PPFIA2: variants seen among roughly 807,000 people sequenced by gnomAD.
The protein encoded by PPFIA2 is liprin-alpha-2.
PPFIA2 carries 46 observed loss-of-function variants against 175.5 expected under a neutral mutation model. The ratio of observed to expected loss-of-function variants is 0.26; its 90% CI spans 0.21 to 0.34. PPFIA2 has a LOEUF of 0.34. Ranked by LOEUF, PPFIA2 falls within the 10% of genes least tolerant of loss-of-function variation. The pLI is 1.00. For synonymous variants in PPFIA2, 568 were observed against 511.4 expected (o/e 1.11, Z -1.49); for missense variants, 1,179 against 1,506.1 (o/e 0.78, Z 3.60).
chr12:81,322,783 G>T (rs1157596034), intron 22 of PPFIA2, among the ~76,000 whole-genome samples: 2 of 152,078 alleles, frequency 1.3e-5, no homozygotes, highest in Non-Finnish European at 2.9e-5. Context: ...TATCAGGAAG[G>T]TAAAGATGGA....
At chr12:81,679,179 T>C (rs2073137563) in intron 3 of PPFIA2, among the ~76,000 whole-genome samples, 1 of 151,782 alleles carries the variant, frequency 6.6e-6, no homozygotes, top group Admixed American at 6.6e-5. Context: ...TTACAGAAAA[T>C]AAAACACACA....
chr12:81,525,301 G>A (rs2063608309), intron 4 of PPFIA2, among the ~76,000 whole-genome samples: 1 of 152,120 alleles, frequency 6.6e-6, no homozygotes, highest in African/African-American at 2.4e-5. Flanking sequence ...AAGGTGAAGA[G>A]GTGAAAAGAT....
intron 4 of PPFIA2, among the ~76,000 whole-genome samples, chr12:81,532,909 G>A (rs1352380175): frequency 6.6e-6 from 1 of 151,562 alleles, no homozygotes; most frequent in African/African-American, 2.4e-5. Flanking sequence ...TTCACTGATA[G>A]AATAAAATCC....
chr12:81,681,662 G>C (rs1310796623), intron 3 of PPFIA2, among the ~76,000 whole-genome samples: 1 of 151,670 alleles, frequency 6.6e-6, no homozygotes, highest in African/African-American at 2.4e-5. Flanking sequence ...GTGGCTCTCA[G>C]TGTAAGCCAT....
intron 31 of PPFIA2, among the ~76,000 whole-genome samples, 194 bp from the exon 32 acceptor site, chr12:81,262,234 C>G (rs1045366431): frequency 2.6e-5 from 4 of 152,110 alleles, no homozygotes; most frequent in South Asian, 4.1e-4. Context: ...TGTAAATGAC[C>G]TGAGCTTTTG....
At chr12:81,734,770 T>C (rs1258648623) in intron 3 of PPFIA2, among the ~76,000 whole-genome samples, 1 of 151,822 alleles carries the variant, frequency 6.6e-6, no homozygotes, top group Admixed American at 6.6e-5. Context: ...TGTGTAATCA[T>C]CACAACAATC....
At chr12:81,669,656 G>T (rs1010152044) in intron 4 of PPFIA2, among the ~76,000 whole-genome samples, 12 of 151,908 alleles carry the variant, frequency 7.9e-5, no homozygotes, top group African/African-American at 2.9e-4. Flanking sequence ...GGACAGCATG[G>T]CACAAAGAAG....
chr12:81,518,575 T>G (rs2062740528), intron 4 of PPFIA2, among the ~76,000 whole-genome samples: 1 of 152,164 alleles, frequency 6.6e-6, no homozygotes. Flanking sequence ...AGCATTTAGC[T>G]ATTCATCTTA....
intron 4 of PPFIA2, among the ~76,000 whole-genome samples, chr12:81,560,750 G>A (rs1922408): frequency 0.01 from 1,566 of 152,206 alleles, 28 homozygotes; most frequent in African/African-American, 0.033. Context: ...ATTTGGAATC[G>A]CAGAGATGTA....
At chr12:81,297,707 G>A (rs2046833684) in intron 23 of PPFIA2, among the ~76,000 whole-genome samples, 1 of 152,082 alleles carries the variant, frequency 6.6e-6, no homozygotes, top group Non-Finnish European at 1.5e-5. Flanking sequence ...TTCCACACTA[G>A]TTAACATCAC....
At chr12:81,306,041 C>T (rs2049058334) in intron 22 of PPFIA2, among the ~76,000 whole-genome samples, 1 of 152,186 alleles carries the variant, frequency 6.6e-6, no homozygotes, top group Non-Finnish European at 1.5e-5. Flanking sequence ...AAATACCATA[C>T]AGCACTGTCC....
intron 3 of PPFIA2, among the ~76,000 whole-genome samples, chr12:81,707,057 T>C (rs866833423): frequency 1.3e-4 from 20 of 151,918 alleles, no homozygotes; most frequent in Non-Finnish European, 2.2e-4. Context: ...AGACCTAAAA[T>C]CATAAAAACC....
intron 4 of PPFIA2, among the ~76,000 whole-genome samples, chr12:81,615,595 T>C (rs1297210856): frequency 6.6e-6 from 1 of 152,082 alleles, no homozygotes; most frequent in African/African-American, 2.4e-5. Context: ...ATCCAGTAAT[T>C]AACCTGAATA....
At chr12:81,490,441 C>T (rs973089493) in intron 4 of PPFIA2, among the ~76,000 whole-genome samples, 2 of 151,848 alleles carry the variant, frequency 1.3e-5, no homozygotes, top group African/African-American at 4.8e-5. Flanking sequence ...TTTGCCACCA[C>T]GAATGTTTCT....
Position 81,339,300 on chromosome 12 carries a change from C to T in PPFIA2, c.2428G>A (p.Gly810Arg), listed in dbSNP as rs898220054. 2.5e-5 allele frequency: 40 copies of T among 1,604,728 alleles called. No individual in the cohort carries two copies. Among genetic ancestry groups the T allele is most frequent in the Non-Finnish European group, 3.1e-5 (36 of 1,175,782 alleles). Residue 810 changes from glycine to arginine, a missense_variant, in exon 21 of 33, where the codon GGG becomes AGG. Coordinates refer to ENST00000549396, the MANE Select transcript of PPFIA2 (RefSeq NM_003625.5). Reference sequence around the variant, plus strand: ...TGGCTGCTGTTGGCACTACCAAGCCCGAGGCTTTCTGGCTCAAGAGAGACA... The same window carrying T: ...TGGCTGCTGTTGGCACTACCAAGCCTGAGGCTTTCTGGCTCAAGAGAGACA... ...LSVSLEPESL[G>R]LGSANSSQDS...
At chr12:81,573,913 A>C (rs2073035592) in intron 4 of PPFIA2, among the ~76,000 whole-genome samples, 1 of 151,850 alleles carries the variant, frequency 6.6e-6, no homozygotes, top group Non-Finnish European at 1.5e-5. Context: ...TGAAAGAAAA[A>C]AGAAACAATT....
chr12:81,381,092 T>C (rs2037582230), intron 9 of PPFIA2, among the ~76,000 whole-genome samples: 1 of 151,828 alleles, frequency 6.6e-6, no homozygotes, highest in African/African-American at 2.4e-5. Context: ...GTTCCTACAG[T>C]CTTGCACCTG....
chr12:81,587,599 C>A (rs2075470844), intron 4 of PPFIA2, among the ~76,000 whole-genome samples: 2 of 151,612 alleles, frequency 1.3e-5, no homozygotes, highest in Admixed American at 6.6e-5. Context: ...AAGGAAAAAG[C>A]AATAAAAATG....
chr12:81,668,202 G>A (rs1454315385), intron 4 of PPFIA2, among the ~76,000 whole-genome samples: 2 of 151,970 alleles, frequency 1.3e-5, no homozygotes, highest in Non-Finnish European at 2.9e-5. Flanking sequence ...TCTTAATACT[G>A]GATCCCATTG....
Sources: allele counts gnomAD v4.1 joint callset (sites outside exome capture counted in the v4.1 genomes callset), GRCh38; gene constraint gnomAD v4.1.1; transcripts MANE v1.5; gene names NCBI Gene and HGNC (gene_info 2026-07-23, HGNC 2026-07-21).